WWOX: variants seen among roughly 807,000 people sequenced by gnomAD.
WWOX encodes the protein WW domain-containing oxidoreductase.
Under a neutral mutation model 46.2 loss-of-function variants are expected in WWOX, and 69 were observed. The ratio of observed to expected loss-of-function variants is 1.49; its 90% CI spans 1.23 to 1.82. WWOX has a LOEUF of 1.82. WWOX is among the 40% of genes most tolerant of loss of function. The pLI is 0.00. For missense variants in WWOX, 919 were observed against 542.6 expected (o/e 1.69, Z -6.89); for synonymous variants, 359 against 202.6 (o/e 1.77, Z -6.56).
intron 8 of WWOX, among the ~76,000 whole-genome samples, chr16:78,792,694 A>G (rs540834691): frequency 9.2e-4 from 140 of 152,188 alleles, no homozygotes; most frequent in Non-Finnish European, 1.7e-3. Flanking sequence ...AGAGCTTACT[A>G]TACAAGTCTA....
intron 8 of WWOX, among the ~76,000 whole-genome samples, chr16:78,577,041 A>C (rs1220486411): frequency 6.6e-6 from 1 of 152,126 alleles, no homozygotes; most frequent in African/African-American, 2.4e-5. Context: ...AGGTAGCCCC[A>C]TTTCACCCAT....
At chr16:78,426,990 A>G (rs1450838972) in intron 7 of WWOX, among the ~76,000 whole-genome samples, 1 of 152,152 alleles carries the variant, frequency 6.6e-6, no homozygotes, top group Non-Finnish European at 1.5e-5. Flanking sequence ...GGGTGTTTTA[A>G]CAAAATGGCA....
chr16:78,962,420 C>A (rs1226265846), intron 8 of WWOX, among the ~76,000 whole-genome samples: 1 of 143,618 alleles, frequency 7.0e-6, no homozygotes, highest in African/African-American at 2.6e-5. Flanking sequence ...GAGTTTTACA[C>A]ATTCATAATT....
At chr16:78,621,931 G>T (rs948099862) in intron 8 of WWOX, among the ~76,000 whole-genome samples, 3 of 152,006 alleles carry the variant, frequency 2.0e-5, no homozygotes, top group African/African-American at 7.2e-5. Flanking sequence ...TTAGACAACT[G>T]GACACAGGTT....
At chr16:78,772,766 C>G (rs924408443) in intron 8 of WWOX, among the ~76,000 whole-genome samples, 1 of 152,156 alleles carries the variant, frequency 6.6e-6, no homozygotes, top group African/African-American at 2.4e-5. Flanking sequence ...CACCTGTAAT[C>G]TCAGCGCTTT....
chr16:79,031,120 A>C (rs2047744886), intron 8 of WWOX, among the ~76,000 whole-genome samples: 1 of 151,696 alleles, frequency 6.6e-6, no homozygotes, highest in South Asian at 2.1e-4. Context: ...TCCAGTAGGA[A>C]ACTATATAAA....
intron 5 of WWOX, among the ~76,000 whole-genome samples, chr16:78,299,521 C>CTTT (rs997647456): frequency 3.5e-5 from 5 of 141,826 alleles, no homozygotes; most frequent in African/African-American, 1.0e-4. Context: ...CTTTTCTTTT[C>CTTT]TTTTTTTTTT....
chr16:78,163,715 C>G (rs1209467037), intron 4 of WWOX, among the ~76,000 whole-genome samples: 4 of 152,290 alleles, frequency 2.6e-5, no homozygotes, highest in South Asian at 2.1e-4. Context: ...CTAGGTAACA[C>G]TGGTAGAAGC....
rs574539980 is a variant in WWOX, at chr16:78,850,006, A to G, written c.1057-361602A>G. On this transcript the variant is annotated intron_variant, in intron 8 of 8. Transcript: ENST00000566780. ...AGAATAGCTTGAACCTGGGAGATGG[A>G]GGTTGTGGTGAGCCGAGACAATGCC... Among the ~76,000 whole-genome samples the G allele has an allele frequency of 5.9e-3, 904 of 152,072 alleles. 5 individuals carry two copies. The highest frequency in any genetic ancestry group is 9.2e-3 in the Non-Finnish European group (622 of 67,968).
At chr16:78,638,626 T>C (rs1224763917) in intron 8 of WWOX, among the ~76,000 whole-genome samples, 1 of 152,188 alleles carries the variant, frequency 6.6e-6, no homozygotes, top group East Asian at 1.9e-4. Flanking sequence ...TTCTGACTTT[T>C]CCATGGTGCC....
intron 8 of WWOX, among the ~76,000 whole-genome samples, chr16:78,504,987 T>C (rs2085158009): frequency 6.6e-6 from 1 of 152,218 alleles, no homozygotes; most frequent in South Asian, 2.1e-4. Context: ...TATATGCTTA[T>C]GTATATGCCT....
At chr16:78,943,627 C>G (rs563879144) in intron 8 of WWOX, among the ~76,000 whole-genome samples, 2 of 152,134 alleles carry the variant, frequency 1.3e-5, no homozygotes, top group African/African-American at 4.8e-5. Flanking sequence ...TGTGTGGCCC[C>G]GTCAATGGCC....
intron 8 of WWOX, among the ~76,000 whole-genome samples, chr16:78,929,954 A>C (rs2045582543): frequency 1.3e-5 from 2 of 152,094 alleles, no homozygotes; most frequent in Non-Finnish European, 2.9e-5. Flanking sequence ...CCCTGTGCTA[A>C]CTGCCCTTGC....
chr16:78,747,190 AT>A (rs67902043), intron 8 of WWOX, among the ~76,000 whole-genome samples: 20,000 of 129,066 alleles, frequency 0.15, 2,510 homozygotes, highest in African/African-American at 0.38. Flanking sequence ...TTTCTTGCCC[AT>A]TTTTTTTTTT....
intron 5 of WWOX, among the ~76,000 whole-genome samples, chr16:78,187,661 A>C (rs2035753731): frequency 6.6e-6 from 1 of 152,192 alleles, no homozygotes; most frequent in African/African-American, 2.4e-5. Flanking sequence ...TTGAAGGGTT[A>C]CAGAAACAGT....
chr16:78,203,587 G>A (rs1454424918), intron 5 of WWOX, among the ~76,000 whole-genome samples: 1 of 152,162 alleles, frequency 6.6e-6, no homozygotes, highest in Non-Finnish European at 1.5e-5. Context: ...CAAGAAGACC[G>A]TATCTCCGTC....
chr16:78,982,660 G>A (rs553470714), intron 8 of WWOX, among the ~76,000 whole-genome samples: 2 of 152,296 alleles, frequency 1.3e-5, no homozygotes, highest in Admixed American at 6.5e-5. Flanking sequence ...TCTGGTGCAG[G>A]AGGACTGTTA....
At chr16:78,417,163 C>T (rs371487581) in intron 6 of WWOX, among the ~76,000 whole-genome samples, 5 of 152,192 alleles carry the variant, frequency 3.3e-5, no homozygotes, top group Admixed American at 2.0e-4. Context: ...GCCACAACCT[C>T]CCAGGTTCAA....
chr16:78,935,934 G>A (rs2045728267), intron 8 of WWOX, among the ~76,000 whole-genome samples: 1 of 151,752 alleles, frequency 6.6e-6, no homozygotes, highest in Non-Finnish European at 1.5e-5. Flanking sequence ...AATAAAATAA[G>A]CAGCAGCAGC....
Sources: allele counts gnomAD v4.1 joint callset (sites outside exome capture counted in the v4.1 genomes callset), GRCh38; gene constraint gnomAD v4.1.1; transcripts MANE v1.5; gene names NCBI Gene and HGNC (gene_info 2026-07-23, HGNC 2026-07-21).